BTD: variants seen among roughly 807,000 people sequenced by gnomAD.
The protein encoded by BTD is biotinidase.
Under a neutral mutation model 17.7 loss-of-function variants are expected in BTD, and 13 were observed. The observed-to-expected ratio is 0.74, with a 90% CI of 0.48 to 1.17. The LOEUF (loss-of-function observed/expected upper bound fraction) is 1.17, where lower values mean the gene tolerates loss of function less well. Among genes scored for constraint, BTD ranks in the 50% most tolerant of loss-of-function variants. The pLI is 0.00. For missense variants in BTD, 674 were observed against 650.4 expected (o/e 1.04, Z -0.39); for synonymous variants, 240 against 245.2 (o/e 0.98, Z 0.20).
At position 15,645,373 on chromosome 3, in the gene BTD, T is replaced by C. The variant is rs745416608; in HGVS notation, c.1457T>C (p.Leu486Pro). ...TTGTTTCTGACCTCAGGGATGACCC[T>C]AGAAGTCCCTGACCAGCTTGGCTGG... is the stretch of plus-strand genomic sequence containing the variant. Reference protein sequence around the residue: ...FPLFLTSGMTLEVPDQLGWEN... With the variant: ...FPLFLTSGMTPEVPDQLGWEN... The change falls in exon 4 of 4, where the codon CTA (leucine) becomes CCA (proline). Residue 486 changes from leucine to proline, a missense_variant. Physicochemically the swap from Leu to Pro is moderately conservative, Grantham distance 98. Transcript: ENST00000643237. The C allele has an allele frequency of 1.2e-6, 2 of 1,614,050 alleles. No individual in the cohort carries two copies. Among genetic ancestry groups the C allele is most frequent in the African/African-American group, 2.7e-5 (2 of 74,938 alleles).
intron 3 of BTD, chr3:15,677,659 G>A: frequency 2.4e-6 from 2 of 827,996 alleles, no homozygotes; most frequent in African/African-American, 1.7e-5. Flanking sequence ...AAGCAAAAAA[G>A]TCCCTCTCAC....
intron 3 of BTD, among the ~76,000 whole-genome samples, chr3:15,664,965 T>C (rs2065962544): frequency 6.6e-6 from 1 of 152,140 alleles, no homozygotes; most frequent in Non-Finnish European, 1.5e-5. Context: ...CGGCATGCAG[T>C]TTACCTATAT....
chr3:15,706,748 C>T (rs946503764), intron 3 of BTD, among the ~76,000 whole-genome samples: 10 of 152,132 alleles, frequency 6.6e-5, no homozygotes, highest in Admixed American at 6.5e-4. Context: ...CTCTCCAGCA[C>T]CTGTTGTTTC....
At chr3:15,711,386 G>T in exon 4 of BTD, 1 of 818,724 alleles carries the variant, frequency 1.2e-6, no homozygotes, top group South Asian at 1.8e-5. Flanking sequence ...ACAAAACTAT[G>T]GGTTCTTAAG....
Position 15,692,059 on chromosome 3 carries a change from G to C in BTD, c.400-18001G>C, listed in dbSNP as rs547005703. ...GGAGGCTGAGGCGGAAGTATCACTT[G>C]AGTCTAGGAGGTACAGGCTGCAGTG... On this transcript the variant is annotated intron_variant, in intron 3 of 3. Coordinates refer to the BTD transcript ENST00000672141. Among the ~76,000 whole-genome samples, 83 of 150,856 alleles carry C rather than the reference G, an allele frequency of 5.5e-4. 1 individual carries two copies. The highest frequency in any genetic ancestry group is 1.1e-3 in the Non-Finnish European group (74 of 67,862).
At chr3:15,684,211 C>A (rs1156753383) in intron 3 of BTD, 3 of 152,172 alleles carry the variant, frequency 2.0e-5, no homozygotes, top group Non-Finnish European at 4.4e-5. Flanking sequence ...TGCTTCATTG[C>A]ATAAATTATT....
chr3:15,695,068 C>T (rs553111996), intron 3 of BTD: 11 of 847,816 alleles, frequency 1.3e-5, no homozygotes, highest in Middle Eastern at 2.2e-4. Flanking sequence ...TTTCTGTCAC[C>T]GTCTTTGTGC....
chr3:15,685,443 T>G (rs565965777), intron 3 of BTD: 7 of 1,613,724 alleles, frequency 4.3e-6, no homozygotes, highest in South Asian at 1.1e-5. Context: ...GGCCTGTAAC[T>G]GCCTGAAAGA....
intron 1 of BTD, among the ~76,000 whole-genome samples, chr3:15,623,509 G>A (rs1454075944): frequency 6.6e-6 from 1 of 151,898 alleles, no homozygotes; most frequent in Non-Finnish European, 1.5e-5. Context: ...TCTGAGTTTT[G>A]GTGTTTTAAT....
intron 3 of BTD, chr3:15,685,474 A>G: frequency 6.2e-7 from 1 of 1,603,064 alleles, no homozygotes; most frequent in Non-Finnish European, 8.5e-7. Context: ...AAGGTAGTCA[A>G]ACATATTATG....
intron 1 of BTD, among the ~76,000 whole-genome samples, chr3:15,625,160 T>C: frequency 6.6e-6 from 1 of 152,218 alleles, no homozygotes; most frequent in East Asian, 1.9e-4. Context: ...AATTGAAATG[T>C]GGTGGGAGGG....
At chr3:15,638,382 C>G (rs951022302) in intron 2 of BTD, among the ~76,000 whole-genome samples, 3 of 152,238 alleles carry the variant, frequency 2.0e-5, no homozygotes, top group South Asian at 4.1e-4. Context: ...GCAGCCCTGA[C>G]GTATTAATAC....
At chr3:15,706,450 T>C (rs1157224852) in intron 3 of BTD, among the ~76,000 whole-genome samples, 2 of 152,222 alleles carry the variant, frequency 1.3e-5, no homozygotes, top group African/African-American at 2.4e-5. Context: ...TAGTATTCCA[T>C]GATGTATATG....
intron 4 of BTD, chr3:15,721,125 C>A: frequency 6.2e-7 from 1 of 1,608,372 alleles, no homozygotes; most frequent in African/African-American, 1.3e-5. Context: ...TTGGTTCATT[C>A]ATCTATTAGA....
exon 4 of BTD, among the ~76,000 whole-genome samples, chr3:15,712,740 T>A (rs2455835): frequency 6.6e-6 from 1 of 152,020 alleles, no homozygotes; most frequent in African/African-American, 2.4e-5. Flanking sequence ...AATGAATATA[T>A]TGTGAAATCT....
rs1055020812 is a variant in BTD at position 15,651,675 on chromosome 3, G to A, written c.*6187G>A. Among the ~76,000 whole-genome samples, 1 of 152,196 alleles carries A rather than the reference G, an allele frequency of 6.6e-6. No individual in the cohort carries two copies. The highest frequency in any genetic ancestry group is 1.9e-4 in the East Asian group (1 of 5,200). ...GGCCTCCCACTGGCTGGACCCAACA[G>A]GAAAGCAGAGGATAAGAGAATCTGG... On this transcript the variant is annotated 3_prime_UTR_variant, in exon 4 of 4. Coordinates refer to ENST00000643237, the MANE Select transcript of BTD (RefSeq NM_001370658.1).
Position 15,635,402 on chromosome 3 carries a change from C to T in BTD, c.-16-22C>T, listed in dbSNP as rs1559592333. 6.2e-7 allele frequency: 1 copy of T among 1,614,172 alleles called. No individual in the cohort carries two copies. The highest frequency in any genetic ancestry group is 2.2e-5 in the East Asian group (1 of 44,888). On this transcript the variant is annotated intron_variant, in intron 1 of 3. Transcript: ENST00000643237. This position sits in a 1 kb window ranked among gnomAD's most constrained non-coding sequence, Gnocchi z 4.1. Reference sequence around the variant, plus strand: ...CAGGATTCTTTATTCAGCTGTTTTCCCCTTGCCCCATTACATTCCAGATTT... The same window carrying T: ...CAGGATTCTTTATTCAGCTGTTTTCTCCTTGCCCCATTACATTCCAGATTT...
chr3:15,702,454 G>C (rs531342239), intron 3 of BTD, among the ~76,000 whole-genome samples: 43 of 152,166 alleles, frequency 2.8e-4, no homozygotes, highest in African/African-American at 1.0e-3. Context: ...TCCATAATCT[G>C]TCCTCTGAAA....
At chr3:15,710,103 T>C (rs935896485) in exon 4 of BTD, among the ~76,000 whole-genome samples, 8 of 151,270 alleles carry the variant, frequency 5.3e-5, no homozygotes, top group African/African-American at 1.7e-4. Context: ...GATGCAACCA[T>C]AGCTAACGGC....
Sources: gnomAD v4.1 joint callset for allele counts (sites outside exome capture counted in the v4.1 genomes callset) on GRCh38, gnomAD v4.1.1 for gene constraint, Gnocchi (gnomAD v3.1) non-coding constraint, MANE v1.5 for transcripts, NCBI Gene and HGNC (gene_info 2026-07-23, HGNC 2026-07-21) for gene names.